The following RANBP2 variants were observed in gnomAD, a reference collection of about 807,000 sequenced individuals.
RANBP2 encodes E3 SUMO-protein ligase RanBP2.
Under a neutral mutation model 303.6 loss-of-function variants are expected in RANBP2, and 57 were observed. That is an observed-to-expected ratio of 0.19 (90% CI 0.15 to 0.23). RANBP2 has a LOEUF of 0.23. RANBP2 is among the 10% of genes least tolerant of loss of function. The probability of loss-of-function intolerance (pLI) is 1.00; values close to 1 mark genes in which losing one functional copy is unlikely to be tolerated. For synonymous variants in RANBP2, 1,167 were observed against 1,301.5 expected, an observed-to-expected ratio of 0.90 and a Z score of 2.23; for missense variants, 3,138 against 3,780.8, an observed-to-expected ratio of 0.83 and a Z score of 4.46.
the RANBP2 span, among the ~76,000 whole-genome samples, chr2:109,318,716 C>T: frequency 1.3e-5 from 2 of 152,154 alleles, no homozygotes; most frequent in African/African-American, 2.4e-5. Flanking sequence ...TCCGGGGCTG[C>T]CCTGGCCAGC....
At chr2:109,062,573 C>T in the RANBP2 span, among the ~76,000 whole-genome samples, 3 of 152,122 alleles carry the variant, frequency 2.0e-5, no homozygotes, top group African/African-American at 4.8e-5. Context: ...TCCCCTGATG[C>T]CCCCTCCTGT....
At chr2:109,370,535 G>A in the RANBP2 span, among the ~76,000 whole-genome samples, 19,739 of 152,080 alleles carry the variant, frequency 0.13, 1,435 homozygotes, top group Middle Eastern at 0.24. Flanking sequence ...CACCGCGCCC[G>A]GCCATCTGTC....
the RANBP2 span, among the ~76,000 whole-genome samples, chr2:109,642,036 C>A: frequency 6.6e-6 from 1 of 152,116 alleles, no homozygotes; most frequent in Non-Finnish European, 1.5e-5. Context: ...GAACTCCTGA[C>A]CTTGTGATCT....
At chr2:108,937,532 T>A in the RANBP2 span, among the ~76,000 whole-genome samples, 3 of 151,672 alleles carry the variant, frequency 2.0e-5, no homozygotes, top group African/African-American at 7.3e-5. Flanking sequence ...TGTAGGTGAG[T>A]GTATGTGTGT....
chr2:109,648,494 T>A, the RANBP2 span, among the ~76,000 whole-genome samples: 1 of 151,654 alleles, frequency 6.6e-6, no homozygotes, highest in African/African-American at 2.4e-5. Flanking sequence ...CAGGCATATG[T>A]CATGATGCCC....
At chr2:108,912,002 GATTC>G in the RANBP2 span, among the ~76,000 whole-genome samples, 2 of 152,240 alleles carry the variant, frequency 1.3e-5, no homozygotes, top group Non-Finnish European at 2.9e-5. Context: ...GTGCAAATGA[GATTC>G]ATATATCCTC....
the RANBP2 span, among the ~76,000 whole-genome samples, chr2:109,017,472 C>T: frequency 6.6e-6 from 1 of 152,196 alleles, no homozygotes; most frequent in Admixed American, 6.5e-5. Flanking sequence ...TGGGGTCGCT[C>T]CTGCTCTTGG....
the RANBP2 span, among the ~76,000 whole-genome samples, chr2:108,870,792 G>A: frequency 1.3e-5 from 2 of 152,176 alleles, no homozygotes; most frequent in African/African-American, 4.8e-5. Context: ...AAGTAGATTG[G>A]TGATTGTCAG....
At chr2:109,053,800 C>A in the RANBP2 span, among the ~76,000 whole-genome samples, 6 of 152,210 alleles carry the variant, frequency 3.9e-5, no homozygotes, top group South Asian at 1.2e-3. Context: ...ATTTCTCCGG[C>A]TTGAAGTCTG....
the RANBP2 span, among the ~76,000 whole-genome samples, chr2:108,957,020 C>A: frequency 6.6e-6 from 1 of 152,224 alleles, no homozygotes; most frequent in African/African-American, 2.4e-5. Flanking sequence ...AAACTCCCGA[C>A]CTCAGGTGAT....
chr2:109,089,034 C>T, the RANBP2 span, among the ~76,000 whole-genome samples: 1 of 152,068 alleles, frequency 6.6e-6, no homozygotes, highest in Non-Finnish European at 1.5e-5. Context: ...GAGTAGGGAG[C>T]AAACTCGAGT....
chr2:109,135,389 C>T, the RANBP2 span, among the ~76,000 whole-genome samples: 1 of 152,192 alleles, frequency 6.6e-6, no homozygotes, highest in South Asian at 2.1e-4. Context: ...ACTTCCTCAC[C>T]ATCTGCCCCG....
the RANBP2 span, among the ~76,000 whole-genome samples, chr2:109,252,212 C>T: frequency 8.0e-5 from 12 of 150,576 alleles, no homozygotes; most frequent in East Asian, 3.9e-4. Flanking sequence ...TGCACCACTG[C>T]GCTCCAGCCC....
the RANBP2 span, among the ~76,000 whole-genome samples, chr2:109,305,778 A>G: frequency 6.6e-6 from 1 of 152,240 alleles, no homozygotes; most frequent in African/African-American, 2.4e-5. Flanking sequence ...GACAGATGCC[A>G]CAAAACTTGC....
chr2:109,203,845 C>T, the RANBP2 span, among the ~76,000 whole-genome samples: 1 of 152,146 alleles, frequency 6.6e-6, no homozygotes, highest in Non-Finnish European at 1.5e-5. Context: ...TGTGTGGGTG[C>T]CTCGCTACCT....
chr2:108,838,301 A>G, the RANBP2 span, among the ~76,000 whole-genome samples: 1 of 152,218 alleles, frequency 6.6e-6, no homozygotes, highest in Non-Finnish European at 1.5e-5. Context: ...TAAGACGTCC[A>G]AAACATCATA....
chr2:109,621,818 CA>C, the RANBP2 span, among the ~76,000 whole-genome samples: 6 of 151,948 alleles, frequency 3.9e-5, no homozygotes, highest in Non-Finnish European at 8.8e-5. Flanking sequence ...GAGGCTGAGG[CA>C]GGATAATCTC....
the RANBP2 span, among the ~76,000 whole-genome samples, chr2:108,928,050 T>G: frequency 6.6e-6 from 1 of 152,146 alleles, no homozygotes; most frequent in African/African-American, 2.4e-5. Context: ...GTCTGCGTGT[T>G]GACCTGCATC....
the RANBP2 span, among the ~76,000 whole-genome samples, chr2:109,078,867 C>A: frequency 6.6e-6 from 1 of 151,592 alleles, no homozygotes; most frequent in Non-Finnish European, 1.5e-5. Flanking sequence ...GGCACACACC[C>A]GTAGTCCCAG....
Sources: gnomAD v4.1 joint callset for allele counts (sites outside exome capture counted in the v4.1 genomes callset) on GRCh38, gnomAD v4.1.1 for gene constraint, MANE v1.5 for transcripts, NCBI Gene and HGNC (gene_info 2026-07-23, HGNC 2026-07-21) for gene names.